Variants in DHODH observed in about 807,000 individuals in gnomAD.
The protein encoded by DHODH is dihydroorotate dehydrogenase (quinone), also known as dihydroorotate dehydrogenase (quinone), mitochondrial.
Under a neutral mutation model 39.7 loss-of-function variants are expected in DHODH, and 30 were observed. The observed-to-expected ratio is 0.76, with a 90% CI of 0.57 to 1.02. The LOEUF is 1.02. Among genes scored for constraint, DHODH ranks in the 50% least tolerant of loss-of-function variants. DHODH has a pLI of 0.00. For synonymous variants in DHODH, 222 were observed against 213.8 expected, an observed-to-expected ratio of 1.04 and a Z score of -0.34; for missense variants, 531 against 520.8, an observed-to-expected ratio of 1.02 and a Z score of -0.19.
At chr16:72,011,937 C>A in intron 1 of DHODH, 113 bp from the exon 2 acceptor site, 2 of 781,518 alleles carry the variant, frequency 2.6e-6, no homozygotes, top group Admixed American at 2.0e-5. Flanking sequence ...AGGCTAAGGG[C>A]GTCTGTTTCA....
chr16:72,027,071 A>T lies in DHODH; in HGVS notation c.*2872A>T, dbSNP rs567873383. 2.7e-5 allele frequency: 4 copies of T among 150,638 alleles called. No homozygotes were observed. Among genetic ancestry groups the T allele is most frequent in the African/African-American group, 9.8e-5 (4 of 40,776 alleles). The allele number at this position is 150,638 out of a possible 1,614,324, so 9.3% of individuals were successfully genotyped here. On this transcript the variant is annotated 3_prime_UTR_variant, in exon 9 of 9. Transcript: ENST00000219240. Reference sequence around the variant, plus strand: ...GAGTGCAGTGGTGCGATCTCAGCTCACTGCAAGCTCCGCCTCCCGGGTTCA... The same window carrying T: ...GAGTGCAGTGGTGCGATCTCAGCTCTCTGCAAGCTCCGCCTCCCGGGTTCA...
At chr16:72,012,619 C>A (rs2143971837) in intron 2 of DHODH, among the ~76,000 whole-genome samples, 1 of 152,226 alleles carries the variant, frequency 6.6e-6, no homozygotes, top group East Asian at 1.9e-4. Context: ...CCCACAGAGT[C>A]TGACGCTGGC....
chr16:72,023,447 A>G, intron 7 of DHODH, 27 bp from the exon 8 acceptor site: 1 of 1,613,990 alleles, frequency 6.2e-7, no homozygotes, highest in East Asian at 2.2e-5. Context: ...ATCCTTCTTT[A>G]TGGTGTCGCC....
chr16:72,009,020 T>C, intron 1 of DHODH: 1 of 1,430,510 alleles, frequency 7.0e-7, no homozygotes, highest in Non-Finnish European at 9.2e-7. Context: ...CTGATCTGAG[T>C]GTCTGCGCCT....
chr16:72,022,093 C>CAAAAAA (rs57957042), intron 5 of DHODH, among the ~76,000 whole-genome samples: 5 of 86,028 alleles, frequency 5.8e-5, no homozygotes, highest in East Asian at 4.0e-4. Flanking sequence ...GACCTTGTCT[C>CAAAAAA]AAAAAAAAAA....
chr16:72,023,756 C>G, intron 8 of DHODH, 123 bp downstream of exon 8: 1 of 1,380,704 alleles, frequency 7.2e-7, no homozygotes. Flanking sequence ...GGGGTACACT[C>G]TGAAGGGGAG....
At position 72,008,946 on chromosome 16, in the gene DHODH, G is replaced by T. The variant is rs534756196; in HGVS notation, c.21+161G>T. 5 of 1,514,166 alleles carry T rather than the reference G, an allele frequency of 3.3e-6. No homozygotes were observed. In the African/African-American group the frequency reaches 5.5e-5, roughly 17 times the overall value. The allele number at this position is 1,514,166 out of a possible 1,614,324, so 93.8% of individuals were successfully genotyped here. On this transcript the variant is annotated intron_variant, in intron 1 of 8. Transcript: ENST00000219240. ...CGGGGTCTCCTGCAAATGCTCGTGC[G>T]TGTGCATTTGCACGTGGACTCGGTC...
chr16:72,008,797 G>T lies in DHODH; in HGVS notation c.21+12G>T, dbSNP rs757094207. On this transcript the variant is annotated intron_variant, in intron 1 of 8. Coordinates refer to ENST00000219240, the MANE Select transcript of DHODH (RefSeq NM_001361.5). ...GGAGACACCTGAAAGTGAGTCCCGC[G>T]AGTGAGCAGTGTGGATGGGGGACCA... The T allele has an allele frequency of 6.4e-7, 1 of 1,552,294 alleles. No homozygotes were observed. Among genetic ancestry groups the T allele is most frequent in the Middle Eastern group, 1.7e-4 (1 of 5,906 alleles).
intron 3 of DHODH, among the ~76,000 whole-genome samples, chr16:72,015,165 AC>A (rs1024944581): frequency 8.5e-5 from 13 of 152,250 alleles, no homozygotes; most frequent in African/African-American, 2.2e-4. Context: ...ATTTAAAAAA[AC>A]GTATATTTAA....
chr16:72,027,518 G>A lies in DHODH; in HGVS notation c.*3319G>A, dbSNP rs1194926740. The A allele has an allele frequency of 6.6e-6, 1 of 152,182 alleles. No homozygotes were observed. Among genetic ancestry groups the A allele is most frequent in the East Asian group, 1.9e-4 (1 of 5,182 alleles). 9.4% of individuals were successfully genotyped at this position (152,182 alleles called of 1,614,324 possible). ...CTGGGAATCCTGGGAGACTGATGAT[G>A]ACCGCGTCTCCCTCTGGGACCAAGG... On this transcript the variant is annotated 3_prime_UTR_variant, in exon 9 of 9. Coordinates refer to ENST00000219240, the MANE Select transcript of DHODH (RefSeq NM_001361.5).
At chr16:72,018,600 TC>T (rs2041169951) in intron 4 of DHODH, among the ~76,000 whole-genome samples, 3 of 148,046 alleles carry the variant, frequency 2.0e-5, no homozygotes, top group Admixed American at 6.7e-5. Context: ...CAGCCCTCCC[TC>T]CCTGTGGCCC....
At position 72,014,316 on chromosome 16, in the gene DHODH, A is replaced by G. The variant is rs949423109; in HGVS notation, c.235-157A>G. 7 of 697,220 alleles carry G rather than the reference A, an allele frequency of 1.0e-5. No individual in the cohort carries two copies. The African/African-American group carries it at 1.2e-4, about 12-fold the overall frequency. 43.2% of individuals were successfully genotyped at this position (697,220 alleles called of 1,614,324 possible). On this transcript the variant is annotated intron_variant, in intron 2 of 8. Coordinates refer to ENST00000219240, the MANE Select transcript of DHODH (RefSeq NM_001361.5). ...TTAAAAATAGTTCCCCCAGTGCTCC[A>G]TTCCACCCCCAAAGATTTTGACCTT...
intron 5 of DHODH, 74 bp downstream of exon 5, chr16:72,021,385 G>A (rs1040178398): frequency 2.6e-5 from 38 of 1,486,918 alleles, no homozygotes; most frequent in Middle Eastern, 2.3e-4. Flanking sequence ...TCTCCAGGGC[G>A]AACCTTCAGC....
At chr16:72,009,225 C>A in intron 1 of DHODH, 1 of 846,530 alleles carries the variant, frequency 1.2e-6, no homozygotes, top group Non-Finnish European at 1.4e-6. Context: ...GTTCAGAGGC[C>A]GGGCGCGGTG....
chr16:72,009,574 G>A (rs1044071140), intron 1 of DHODH, among the ~76,000 whole-genome samples: 2 of 151,352 alleles, frequency 1.3e-5, no homozygotes, highest in African/African-American at 4.9e-5. Context: ...TGGTGGGGGG[G>A]AGTACAGTCT....
At chr16:72,017,735 G>C (rs868318451) in intron 4 of DHODH, among the ~76,000 whole-genome samples, 13 of 144,924 alleles carry the variant, frequency 9.0e-5, no homozygotes, top group Middle Eastern at 7.6e-3. Flanking sequence ...AACATGGTGA[G>C]ATCCCATTTC....
chr16:72,023,897 C>T (rs2041251750), intron 8 of DHODH, among the ~76,000 whole-genome samples: 1 of 152,152 alleles, frequency 6.6e-6, no homozygotes, highest in Admixed American at 6.5e-5. Context: ...TGAGGAATCC[C>T]ATCAGCATTC....
Position 72,023,256 on chromosome 16 carries a change from G to A in DHODH, c.911G>A (p.Ser304Asn). 6.2e-7 allele frequency: 1 copy of A among 1,614,254 alleles called. No homozygotes were observed. The highest frequency in any genetic ancestry group is 2.2e-5 in the East Asian group (1 of 44,886). The change falls in exon 7 of 9, where the codon AGT becomes AAT. Residue 304 changes from serine to asparagine, a missense_variant. Coordinates refer to ENST00000219240, the MANE Select transcript of DHODH (RefSeq NM_001361.5). The stretch of plus-strand genomic sequence containing the variant: ...CTGCGCTCTGAAACAGGAGGGCTGA[G>A]TGGGAAGCCCCTCCGGGATTTATCA... Reference protein sequence around the residue: ...GALRSETGGLSGKPLRDLSTQ... With the variant: ...GALRSETGGLNGKPLRDLSTQ...
chr16:72,022,188 G>A (rs1468791099), intron 5 of DHODH, among the ~76,000 whole-genome samples, 174 bp from the exon 6 acceptor site: 2 of 151,930 alleles, frequency 1.3e-5, no homozygotes, highest in East Asian at 1.9e-4. Context: ...GAATGGAATC[G>A]GATCCATCTC....
Sources: allele counts gnomAD v4.1 joint callset (sites outside exome capture counted in the v4.1 genomes callset), GRCh38; gene constraint gnomAD v4.1.1; transcripts MANE v1.5; gene names NCBI Gene and HGNC (gene_info 2026-07-23, HGNC 2026-07-21).